The following SLC12A6 variants were observed in gnomAD, a reference collection of about 807,000 sequenced individuals.
SLC12A6 encodes K-Cl cotransporter 3.
Under a neutral mutation model 135.3 loss-of-function variants are expected in SLC12A6, and 66 were observed. The ratio of observed to expected loss-of-function variants is 0.49; its 90% CI spans 0.40 to 0.60. The LOEUF (loss-of-function observed/expected upper bound fraction) is 0.60. Ranked by LOEUF, SLC12A6 falls within the 20% of genes least tolerant of loss-of-function variation. SLC12A6 has a pLI of 0.00. For synonymous variants in SLC12A6, 513 were observed against 508.8 expected (o/e 1.01, Z -0.11); for missense variants, 1,058 against 1,452.3 (o/e 0.73, Z 4.41).
At chr15:34,257,612 G>A (rs1486329051) in intron 6 of SLC12A6, 30 bp downstream of exon 6, 2 of 1,599,736 alleles carry the variant, frequency 1.3e-6, no homozygotes, top group Admixed American at 3.3e-5. Context: ...CAACGTTCAG[G>A]TGATCTCTAG....
intron 22 of SLC12A6, 110 bp downstream of exon 22, chr15:34,237,309 A>C: frequency 1.1e-6 from 1 of 870,598 alleles, no homozygotes; most frequent in Non-Finnish European, 1.8e-6. Context: ...GCACTAGGGG[A>C]TTAATCCACA....
At position 34,249,377 on chromosome 15, in the gene SLC12A6, T is replaced by C. The variant is rs753416883; in HGVS notation, c.1649+921A>G. 3.9e-4 allele frequency among the ~76,000 whole-genome samples: 59 copies of C among 152,040 alleles called. 1 individual carries two copies. Among genetic ancestry groups the C allele is most frequent in the Non-Finnish European group, 3.4e-4 (23 of 67,974 alleles). On this transcript the variant is annotated intron_variant, in intron 13 of 25. Coordinates refer to ENST00000354181, the MANE Select transcript of SLC12A6 (RefSeq NM_001365088.1). ...GAGCTTCAGACCATCCTGGACAACA[T>C]AGTAAGGCCCCATCTTTACAAAAAA...
In SLC12A6 at chr15:34,300,234, TATG is replaced by T. The variant is rs146687345; in HGVS notation, c.272-24848_272-24846del. Among the ~76,000 whole-genome samples, 899 of 152,182 alleles carry T rather than the reference TATG, an allele frequency of 5.9e-3. 16 individuals carry two copies. The highest frequency in any genetic ancestry group is 0.02 in the African/African-American group (840 of 41,484). ...GTCAACACAGATGCTGGTAAGAACT[TATG>T]AAGAAGAATATTAGAAATAAAGAAA... On this transcript the variant is annotated intron_variant, in intron 2 of 25. Coordinates refer to ENST00000354181, the MANE Select transcript of SLC12A6 (RefSeq NM_001365088.1).
At chr15:34,279,189 C>T (rs928574277) in intron 2 of SLC12A6, among the ~76,000 whole-genome samples, 22 of 151,798 alleles carry the variant, frequency 1.4e-4, no homozygotes, top group African/African-American at 5.3e-4. Flanking sequence ...GTGATGCGCC[C>T]CTGTAATCCC....
At chr15:34,330,160 C>G (rs1479269154) in intron 2 of SLC12A6, among the ~76,000 whole-genome samples, 1 of 152,150 alleles carries the variant, frequency 6.6e-6, no homozygotes, top group African/African-American at 2.4e-5. Context: ...CAAGTTCACA[C>G]ACTGCATTTG....
chr15:34,322,789 C>T (rs770451002), intron 2 of SLC12A6, among the ~76,000 whole-genome samples: 6 of 151,426 alleles, frequency 4.0e-5, no homozygotes, highest in Non-Finnish European at 5.9e-5. Flanking sequence ...ACCAGCCCAG[C>T]CAACATTGTG....
chr15:34,278,456 T>C (rs1381550346), intron 2 of SLC12A6, among the ~76,000 whole-genome samples: 2 of 152,022 alleles, frequency 1.3e-5, no homozygotes, highest in African/African-American at 2.4e-5. Flanking sequence ...AACTCCTCTA[T>C]TGTGTAATAT....
chr15:34,325,203 T>C (rs566411627), intron 2 of SLC12A6, among the ~76,000 whole-genome samples: 15 of 152,344 alleles, frequency 9.8e-5, no homozygotes, highest in Admixed American at 5.9e-4. Flanking sequence ...CTGAAAGGTA[T>C]AGTCTCATTC....
chr15:34,254,517 T>C lies in SLC12A6; in HGVS notation c.949A>G (p.Asn317Asp). ...ALKESAAMLNNMRVYGTAFLV... is the reference protein window; with the variant it reads ...ALKESAAMLNDMRVYGTAFLV... ...AAAGCTGTGCCGTAGACACGCATGT[T>C]ATTTAGCATGGCTGCTGATTCCTTG... Residue 317 changes from asparagine to aspartate, a missense_variant, in exon 9 of 26, where the codon AAC (asparagine) becomes GAC (aspartate). Asn to Asp is a conservative substitution (Grantham distance 23). Around this residue, in one of 6 missense-constraint regions of SLC12A6, gnomAD observed 297 missense variants for 318.5 expected, o/e 0.93. Coordinates refer to ENST00000354181, the MANE Select transcript of SLC12A6 (RefSeq NM_001365088.1). 6.2e-7 allele frequency: 1 copy of C among 1,612,910 alleles called. No individual in the cohort carries two copies. The highest frequency in any genetic ancestry group is 8.5e-7 in the Non-Finnish European group (1 of 1,178,872).
chr15:34,309,450 G>A (rs1323366123), intron 2 of SLC12A6, among the ~76,000 whole-genome samples: 2 of 152,106 alleles, frequency 1.3e-5, no homozygotes, highest in African/African-American at 2.4e-5. Context: ...GAAATCTGGT[G>A]TATCTCTTGT....
chr15:34,260,871 A>G (rs1893071742), intron 4 of SLC12A6, 55 bp downstream of exon 4: 1 of 817,058 alleles, frequency 1.2e-6, no homozygotes, highest in Non-Finnish European at 2.2e-6. Context: ...AAATATGGCT[A>G]TCATGAGATC....
At chr15:34,245,644 T>G in intron 14 of SLC12A6, 49 bp downstream of exon 14, 2 of 1,470,360 alleles carry the variant, frequency 1.4e-6, no homozygotes, top group Non-Finnish European at 1.9e-6. Flanking sequence ...ACACTGTTTC[T>G]CATTAAAGCT....
At chr15:34,268,462 G>A (rs1363253355) in intron 3 of SLC12A6, among the ~76,000 whole-genome samples, 1 of 152,208 alleles carries the variant, frequency 6.6e-6, no homozygotes, top group East Asian at 1.9e-4. Context: ...GGACAGTCAT[G>A]AAAGGTCAAG....
intron 2 of SLC12A6, among the ~76,000 whole-genome samples, chr15:34,315,409 TAG>T (rs1888569381): frequency 6.6e-6 from 1 of 152,074 alleles, no homozygotes; most frequent in African/African-American, 2.4e-5. Context: ...AGATGATCAT[TAG>T]CATTTTTTGG....
At position 34,233,900 on chromosome 15, in the gene SLC12A6, A is replaced by C. The variant is rs954279560; in HGVS notation, c.3434T>G (p.Val1145Gly). Reference sequence around the variant, plus strand: ...AGTAGGTTATGAATAAATGGTGATCACTTCACTGCCACCACCCCGGACAAG... The same window carrying C: ...AGTAGGTTATGAATAAATGGTGATCCCTTCACTGCCACCACCCCGGACAAG... ...VLLVRGGGSE[V>G]ITIYS is the part of the protein sequence containing the mutation. Residue 1145 changes from valine (V) to glycine (G), a missense_variant, in exon 26 of 26, where the codon GTG becomes GGG. Transcript: ENST00000354181. 2 of 1,590,550 alleles carry C rather than the reference A, an allele frequency of 1.3e-6. No individual in the cohort carries two copies. The highest frequency in any genetic ancestry group is 1.7e-6 in the Non-Finnish European group (2 of 1,158,468).
At chr15:34,278,880 T>C (rs995649907) in intron 2 of SLC12A6, among the ~76,000 whole-genome samples, 4 of 149,680 alleles carry the variant, frequency 2.7e-5, no homozygotes, top group Admixed American at 2.0e-4. Flanking sequence ...GAAACAAGTC[T>C]TTTGTGTAGT....
At chr15:34,257,614 G>A (rs1892841496) in intron 6 of SLC12A6, 28 bp downstream of exon 6, 1 of 1,601,914 alleles carries the variant, frequency 6.2e-7, no homozygotes, top group South Asian at 1.1e-5. Flanking sequence ...ACGTTCAGGT[G>A]ATCTCTAGGA....
Position 34,236,037 on chromosome 15 carries a change from G to A in SLC12A6, c.3205C>T (p.Gln1069Ter). The A allele has an allele frequency of 6.2e-7, 1 of 1,613,950 alleles. No individual in the cohort carries two copies. Residue 1069 changes from glutamine (Q) to a stop codon, truncating the protein, a stop_gained, in exon 24 of 26, where the codon CAG becomes TAG. Coordinates refer to ENST00000354181, the MANE Select transcript of SLC12A6 (RefSeq NM_001365088.1). LOFTEE classifies it high-confidence loss of function. ...TACGGACGCATGTTAAGCAGGTCCT[G>A]GAATCCTTCCATTGACTTCGCTTTT... ...GQKAKSMEGF[Q>*]DLLNMRPDQS...
intron 2 of SLC12A6, among the ~76,000 whole-genome samples, chr15:34,332,473 A>G (rs149752711): frequency 4.6e-5 from 7 of 152,202 alleles, no homozygotes; most frequent in Non-Finnish European, 8.8e-5. Flanking sequence ...CTGTTGACTT[A>G]TAAAAGGTTG....
Sources: gnomAD v4.1 joint callset for allele counts (sites outside exome capture counted in the v4.1 genomes callset) on GRCh38, gnomAD v4.1.1 for gene constraint, gnomAD v4.1.1 regional missense constraint, MANE v1.5 for transcripts, NCBI Gene and HGNC (gene_info 2026-07-23, HGNC 2026-07-21) for gene names.